DNAH14: variants seen among roughly 807,000 people sequenced by gnomAD.
DNAH14 encodes axonemal beta dynein heavy chain 14.
A neutral mutation model predicts 520.9 loss-of-function variants in DNAH14; 478 were observed. That is an observed-to-expected ratio of 0.92 (90% CI 0.85 to 0.99). The LOEUF (loss-of-function observed/expected upper bound fraction) is 0.99, where lower values mean the gene tolerates loss of function less well. DNAH14 is among the 50% of genes least tolerant of loss of function. The pLI, the probability that DNAH14 is intolerant of heterozygous loss-of-function variation, is 0.00. For missense variants in DNAH14, 4,831 were observed against 5,234.5 expected (o/e 0.92, Z 2.38); for synonymous variants, 1,581 against 1,757.2 (o/e 0.90, Z 2.51).
In DNAH14 at chr1:225,265,321, G is replaced by A; in HGVS notation, c.7362G>A (p.Lys2454=). The part of the protein sequence containing the change: ...AAKTKEMILK[K]LIRRTKDTLG... ...AAACCAAGGAGATGATTCTTAAGAA[G>A]TTAATAAGAAGAACTAAAGATACTC... Residue 2454 remains lysine (K), a synonymous_variant, in exon 48 of 86, where the codon AAG becomes AAA. Coordinates refer to ENST00000682510, the MANE Select transcript of DNAH14 (RefSeq NM_001367479.1). The A allele has an allele frequency of 6.5e-7, 1 of 1,542,396 alleles. No homozygotes were observed. The highest frequency in any genetic ancestry group is 1.2e-5 in the South Asian group (1 of 81,490).
chr1:225,263,794 T>G (rs1190867229), intron 46 of DNAH14, among the ~76,000 whole-genome samples: 3 of 152,070 alleles, frequency 2.0e-5, no homozygotes, highest in Non-Finnish European at 4.4e-5. Flanking sequence ...GTTTTAACAA[T>G]AGAGAAAGAC....
At chr1:225,061,618 G>A (rs1286137043) in intron 17 of DNAH14, among the ~76,000 whole-genome samples, 4 of 152,156 alleles carry the variant, frequency 2.6e-5, no homozygotes, top group African/African-American at 9.7e-5. Context: ...GCTGGGAGCT[G>A]TAGACTGGAG....
chr1:225,157,857 A>C (rs2081187505), intron 34 of DNAH14, among the ~76,000 whole-genome samples: 1 of 152,208 alleles, frequency 6.6e-6, no homozygotes, highest in Non-Finnish European at 1.5e-5. Context: ...TTCTCAGGGA[A>C]ATGTAAATGA....
chr1:225,327,113 A>G (rs2094689069), intron 64 of DNAH14, among the ~76,000 whole-genome samples: 1 of 152,150 alleles, frequency 6.6e-6, no homozygotes, highest in East Asian at 1.9e-4. Flanking sequence ...CATATACCAT[A>G]AAAGCATCTT....
chr1:225,322,336 G>T (rs916101517), intron 61 of DNAH14, among the ~76,000 whole-genome samples: 19 of 151,814 alleles, frequency 1.3e-4, no homozygotes, highest in East Asian at 5.8e-4. Flanking sequence ...TGATCCGCCC[G>T]CCTCAGCCTC....
At chr1:225,205,907 C>G in intron 39 of DNAH14, 64 bp from the exon 40 acceptor site, 1 of 1,344,960 alleles carries the variant, frequency 7.4e-7, no homozygotes, top group South Asian at 1.4e-5. Context: ...AGAAAATTAG[C>G]AAGATTGTAA....
intron 71 of DNAH14, among the ~76,000 whole-genome samples, chr1:225,350,298 T>C (rs1289792261): frequency 6.6e-6 from 1 of 152,126 alleles, no homozygotes; most frequent in African/African-American, 2.4e-5. Flanking sequence ...TGAAAGTTTA[T>C]AACTGTAAAT....
chr1:225,389,925 C>T lies in DNAH14; in HGVS notation c.13330+52C>T, dbSNP rs1462847508. 4.7e-6 allele frequency: 7 copies of T among 1,503,754 alleles called. 1 individual carries two copies. The highest frequency in any genetic ancestry group is 6.3e-6 in the Non-Finnish European group (7 of 1,107,910). 93.2% of individuals were successfully genotyped at this position (1,503,754 alleles called of 1,614,324 possible). A position where few individuals can be genotyped will look rare whatever the true frequency, so the allele number is the denominator to read the frequency against. ...CAGACCTGGCCCAGGCAAGTTTGCACTCAGTCCTTCTGTCACTCACCCTTT... is the reference window on the plus strand; with the variant it reads ...CAGACCTGGCCCAGGCAAGTTTGCATTCAGTCCTTCTGTCACTCACCCTTT... On this transcript the variant is annotated intron_variant, in intron 83 of 85. Coordinates refer to ENST00000682510, the MANE Select transcript of DNAH14 (RefSeq NM_001367479.1).
At chr1:225,315,640 T>C (rs1439684504) in intron 60 of DNAH14, among the ~76,000 whole-genome samples, 1 of 152,196 alleles carries the variant, frequency 6.6e-6, no homozygotes, top group Non-Finnish European at 1.5e-5. Context: ...GTTGTCCTTT[T>C]TGTTGATGTT....
intron 39 of DNAH14, among the ~76,000 whole-genome samples, chr1:225,205,136 G>A (rs951280381): frequency 2.0e-5 from 3 of 152,176 alleles, no homozygotes; most frequent in African/African-American, 7.2e-5. Flanking sequence ...GTGGAGCACA[G>A]TGGTGGGTGT....
intron 1 of DNAH14, among the ~76,000 whole-genome samples, chr1:224,936,476 G>A (rs931017959): frequency 2.6e-5 from 4 of 151,876 alleles, no homozygotes; most frequent in Non-Finnish European, 4.4e-5. Flanking sequence ...TAGAAGAAAC[G>A]GATAAATCCC....
intron 2 of DNAH14, among the ~76,000 whole-genome samples, chr1:224,954,253 T>C (rs548338794): frequency 3.9e-5 from 6 of 152,240 alleles, no homozygotes; most frequent in Non-Finnish European, 8.8e-5. Flanking sequence ...TATAAATAAG[T>C]TCAAAGACAT....
intron 31 of DNAH14, 50 bp from the exon 32 acceptor site, chr1:225,151,955 T>C: frequency 2.8e-6 from 4 of 1,445,586 alleles, no homozygotes; most frequent in Admixed American, 2.0e-5. Context: ...TTTAACATGC[T>C]TTGGACTAGA....
chr1:225,246,409 C>A (rs1203145464), intron 43 of DNAH14, among the ~76,000 whole-genome samples: 1 of 152,078 alleles, frequency 6.6e-6, no homozygotes, highest in Non-Finnish European at 1.5e-5. Context: ...AGCTTCTGCA[C>A]AGCAAAAGAA....
At chr1:224,936,820 C>T (rs1381712789) in intron 1 of DNAH14, among the ~76,000 whole-genome samples, 3 of 151,762 alleles carry the variant, frequency 2.0e-5, no homozygotes. Context: ...AAATTCTCAA[C>T]AAAATTCTAG....
intron 52 of DNAH14, 90 bp downstream of exon 52, chr1:225,273,215 G>A (rs1331947022): frequency 6.0e-6 from 8 of 1,322,766 alleles, no homozygotes; most frequent in Admixed American, 5.6e-5. Context: ...GGCAGATCAC[G>A]AGGTCAGGAG....
rs1490937488 is a variant in DNAH14, at chr1:225,318,668, C to A, written c.9326C>A (p.Ala3109Asp). ...ALNALDKADV[A>D]ELRVYTRPPF... ...AATGCCCTGGATAAAGCTGATGTCG[C>A]TGAATTAAGGTAACTCTCCTAAGTT... Residue 3109 changes from alanine (A) to aspartate (D), a missense_variant, in exon 61 of 86, where the codon GCT becomes GAT. Physicochemically the swap from Ala to Asp is moderately radical, Grantham distance 126. Transcript: ENST00000682510. The A allele has an allele frequency of 1.6e-5, 25 of 1,547,440 alleles. No homozygotes were observed. Among genetic ancestry groups the A allele is most frequent in the Non-Finnish European group, 2.1e-5 (24 of 1,145,276 alleles).
intron 36 of DNAH14, among the ~76,000 whole-genome samples, chr1:225,175,477 C>T (rs1019670782): frequency 6.6e-6 from 1 of 151,824 alleles, no homozygotes; most frequent in African/African-American, 2.4e-5. Flanking sequence ...TCTGTGGTAT[C>T]AGCTATAATG....
intron 17 of DNAH14, among the ~76,000 whole-genome samples, chr1:225,057,990 C>CT (rs772073763): frequency 4.5e-4 from 68 of 151,932 alleles, no homozygotes; most frequent in Non-Finnish European, 6.8e-4. Context: ...CTAAAATTCT[C>CT]TTTTTTTTGT....
Sources: allele counts gnomAD v4.1 joint callset (sites outside exome capture counted in the v4.1 genomes callset), GRCh38; gene constraint gnomAD v4.1.1; transcripts MANE v1.5; gene names NCBI Gene and HGNC (gene_info 2026-07-23, HGNC 2026-07-21).